The following RNF6 variants were observed in gnomAD, a reference collection of about 807,000 sequenced individuals.
RNF6 encodes E3 ubiquitin-protein ligase RNF6.
Under a neutral mutation model 50.1 loss-of-function variants are expected in RNF6, and 21 were observed. The ratio of observed to expected loss-of-function variants is 0.42; its 90% CI spans 0.30 to 0.60. The LOEUF is 0.60. Among genes scored for constraint, RNF6 ranks in the 20% least tolerant of loss-of-function variants. The pLI is 0.20. For missense variants in RNF6, 698 were observed against 838.2 expected (o/e 0.83, Z 2.07); for synonymous variants, 255 against 291.8 (o/e 0.87, Z 1.29).
chr13:26,146,249 G>A (rs114960872), intron 5 of RNF6, among the ~76,000 whole-genome samples: 325 of 152,324 alleles, frequency 2.1e-3, no homozygotes, highest in African/African-American at 7.4e-3. Flanking sequence ...CAGCAACACA[G>A]GTTTGGAAGT....
intron 5 of RNF6, among the ~76,000 whole-genome samples, chr13:26,177,342 T>C (rs554034286): frequency 3.3e-5 from 5 of 152,300 alleles, no homozygotes; most frequent in Non-Finnish European, 7.4e-5. Flanking sequence ...AGAGACCACT[T>C]TGCCAAGGTC....
rs533155328 is a variant in RNF6, at chr13:26,184,826, A to C, written n.768+30648T>G. On this transcript the variant is annotated intron_variant and non_coding_transcript_variant, in intron 5 of 5. Transcript: ENST00000468480. The stretch of plus-strand genomic sequence containing the variant: ...ACACACTGTGCAGGCCACAAAGGAT[A>C]AATCTGTGGACTCCTGCAGAAGGCA... Among the ~76,000 whole-genome samples the C allele has an allele frequency of 4.9e-4, 75 of 152,320 alleles. 2 individuals are homozygous for C. The South Asian group carries it at 0.016, about 32-fold the overall frequency.
At chr13:26,181,500 C>G (rs1419771166) in intron 5 of RNF6, among the ~76,000 whole-genome samples, 2 of 152,174 alleles carry the variant, frequency 1.3e-5, no homozygotes, top group South Asian at 2.1e-4. Flanking sequence ...GCCATAACCA[C>G]TGCAGGTAGT....
rs767600742 is a variant in RNF6 at position 26,219,591 on chromosome 13, T to C, written c.59A>G (p.His20Arg). 9 of 1,614,052 alleles carry C rather than the reference T, an allele frequency of 5.6e-6. No homozygotes were observed. The highest frequency in any genetic ancestry group is 2.2e-5 in the South Asian group (2 of 91,076). ...GGSEETLPQD[H>R]NHHENERRWQ... Reference sequence around the variant, plus strand: ...TCTTCTCTCATTTTCATGATGATTATGGTCTTGAGGTAAGGTTTCTTCACT... The same window carrying C: ...TCTTCTCTCATTTTCATGATGATTACGGTCTTGAGGTAAGGTTTCTTCACT... The change falls in exon 3 of 5, where the codon CAT becomes CGT. Residue 20 changes from histidine to arginine, a missense_variant. Physicochemically the swap from His to Arg is conservative, Grantham distance 29. Transcript: ENST00000381588.
At chr13:26,210,085 A>G (rs948397331), downstream of RNF6, among the ~76,000 whole-genome samples, 8 of 152,162 alleles carry the variant, frequency 5.3e-5, no homozygotes, top group African/African-American at 1.9e-4. Context: ...TAAAGAAAAA[A>G]TCACCACTGA....
chr13:26,178,591 CGT>C (rs3981342), intron 5 of RNF6, among the ~76,000 whole-genome samples: 12,133 of 99,834 alleles, frequency 0.12, 585 homozygotes, highest in African/African-American at 0.14. Context: ...CTGCCTGGTC[CGT>C]GTGTGTGTGT....
intron 5 of RNF6, among the ~76,000 whole-genome samples, chr13:26,139,159 T>G (rs1226211716): frequency 1.3e-5 from 2 of 152,114 alleles, no homozygotes; most frequent in Non-Finnish European, 1.5e-5. Flanking sequence ...ATATGCAAAC[T>G]GAACCCCCAA....
At chr13:26,193,924 T>TTATTTC (rs1283062947) in intron 5 of RNF6, among the ~76,000 whole-genome samples, 1 of 152,228 alleles carries the variant, frequency 6.6e-6, no homozygotes, top group Non-Finnish European at 1.5e-5. Context: ...TCTTGTGTAA[T>TTATTTC]TATTTCTATT....
chr13:26,134,011 GA>G (rs1395804848), intron 5 of RNF6, among the ~76,000 whole-genome samples: 1 of 152,196 alleles, frequency 6.6e-6, no homozygotes, highest in African/African-American at 2.4e-5. Context: ...TCCAACAGGG[GA>G]AAGGAGGTAT....
intron 5 of RNF6, among the ~76,000 whole-genome samples, chr13:26,147,977 T>C (rs1346754534): frequency 2.6e-5 from 4 of 152,176 alleles, no homozygotes; most frequent in Non-Finnish European, 4.4e-5. Flanking sequence ...TATTAGTCCA[T>C]TTTCACACTG....
At chr13:26,168,199 T>C (rs1425332861) in intron 5 of RNF6, among the ~76,000 whole-genome samples, 1 of 152,166 alleles carries the variant, frequency 6.6e-6, no homozygotes, top group Non-Finnish European at 1.5e-5. Flanking sequence ...GAACCTAAAA[T>C]AAAAGTTTGA....
At chr13:26,145,032 G>A (rs1257767003) in intron 5 of RNF6, 1 of 152,184 alleles carries the variant, frequency 6.6e-6, no homozygotes, top group Non-Finnish European at 1.5e-5. Context: ...GTGACACAGA[G>A]TTGATATACT....
At chr13:26,193,021 C>A (rs777386204) in intron 5 of RNF6, among the ~76,000 whole-genome samples, 17 of 152,142 alleles carry the variant, frequency 1.1e-4, no homozygotes, top group Non-Finnish European at 1.6e-4. Context: ...TATGGATTTA[C>A]CATTTACTGA....
At chr13:26,141,609 C>T (rs1870956174) in intron 5 of RNF6, among the ~76,000 whole-genome samples, 1 of 151,864 alleles carries the variant, frequency 6.6e-6, no homozygotes, top group Non-Finnish European at 1.5e-5. Context: ...TTGACAAAGT[C>T]AACAAAAACA....
At chr13:26,204,968 C>T (rs1869050994) in intron 5 of RNF6, among the ~76,000 whole-genome samples, 1 of 152,196 alleles carries the variant, frequency 6.6e-6, no homozygotes, top group Non-Finnish European at 1.5e-5. Context: ...AGACCATACT[C>T]TGCAGACCAT....
At chr13:26,218,068 A>C (rs1443767065) in intron 4 of RNF6, among the ~76,000 whole-genome samples, 1 of 152,238 alleles carries the variant, frequency 6.6e-6, no homozygotes, top group Non-Finnish European at 1.5e-5. Flanking sequence ...ATTTAGTTTG[A>C]AGTTCTTTTA....
intron 5 of RNF6, among the ~76,000 whole-genome samples, chr13:26,191,805 G>A (rs927164089): frequency 1.3e-5 from 2 of 152,200 alleles, no homozygotes; most frequent in Non-Finnish European, 2.9e-5. Context: ...GGTGATATGT[G>A]TTATGGAGGA....
At chr13:26,150,087 G>A (rs1871512185) in intron 5 of RNF6, among the ~76,000 whole-genome samples, 2 of 148,278 alleles carry the variant, frequency 1.3e-5, no homozygotes, top group Non-Finnish European at 3.0e-5. Flanking sequence ...CACACACAGA[G>A]AGAGAGAGAG....
chr13:26,166,249 A>G (rs1347672098), intron 5 of RNF6, among the ~76,000 whole-genome samples: 4 of 152,064 alleles, frequency 2.6e-5, no homozygotes, highest in Non-Finnish European at 5.9e-5. Flanking sequence ...CCCCAGCCAC[A>G]TGGAACTGTA....
Sources: allele counts gnomAD v4.1 joint callset (sites outside exome capture counted in the v4.1 genomes callset), GRCh38; gene constraint gnomAD v4.1.1; transcripts MANE v1.5; gene names NCBI Gene and HGNC (gene_info 2026-07-23, HGNC 2026-07-21).